Variants in GOLPH3 observed in about 807,000 individuals in gnomAD.
The protein encoded by GOLPH3 is coat protein GPP34.
A neutral mutation model predicts 28.5 loss-of-function variants in GOLPH3; 14 were observed. The ratio of observed to expected loss-of-function variants is 0.49; its 90% CI spans 0.32 to 0.77. The LOEUF is 0.77. GOLPH3 is among the 30% of genes least tolerant of loss of function. GOLPH3 has a pLI of 0.03. For synonymous variants in GOLPH3, 158 were observed against 159.2 expected (o/e 0.99, Z 0.06); for missense variants, 350 against 393.7 (o/e 0.89, Z 0.94).
chr5:32,129,062 A>G (rs975557122), intron 3 of GOLPH3, among the ~76,000 whole-genome samples: 9 of 152,086 alleles, frequency 5.9e-5, no homozygotes, highest in South Asian at 2.1e-4. Context: ...GGTGGCTGTA[A>G]TCCCAGCTAC....
chr5:32,141,066 G>A (rs1746050797), intron 2 of GOLPH3, among the ~76,000 whole-genome samples: 1 of 151,458 alleles, frequency 6.6e-6, no homozygotes, highest in Non-Finnish European at 1.5e-5. Context: ...GGGAGGCTGA[G>A]GCACGTAAAT....
In GOLPH3 at chr5:32,158,033, C is replaced by T. The variant is rs1408997381; in HGVS notation, c.226-14153G>A. Among the ~76,000 whole-genome samples the T allele has an allele frequency of 8.5e-5, 11 of 129,098 alleles. 1 individual carries two copies. The highest frequency in any genetic ancestry group is 2.4e-4 in the African/African-American group (8 of 32,736). The allele number at this position is 129,098 out of a possible 152,430, so 84.7% of individuals were successfully genotyped here. On this transcript the variant is annotated intron_variant, in intron 1 of 3. Coordinates refer to ENST00000265070, the MANE Select transcript of GOLPH3 (RefSeq NM_022130.4). ...AATAAATAAATAAAATACACACACACACACACACACACACACACACACACA... is the reference window on the plus strand; with the variant it reads ...AATAAATAAATAAAATACACACACATACACACACACACACACACACACACA...
intron 1 of GOLPH3, among the ~76,000 whole-genome samples, chr5:32,151,472 C>G (rs1475987415): frequency 6.6e-6 from 1 of 151,994 alleles, no homozygotes; most frequent in Non-Finnish European, 1.5e-5. Flanking sequence ...ATTGCACTTA[C>G]GCACTCTAAC....
chr5:32,172,947 G>A (rs541167525), intron 1 of GOLPH3, among the ~76,000 whole-genome samples: 1 of 152,340 alleles, frequency 6.6e-6, no homozygotes, highest in South Asian at 2.1e-4. Flanking sequence ...ATATGCATAT[G>A]TATCTATCAC....
intron 2 of GOLPH3, among the ~76,000 whole-genome samples, chr5:32,140,980 T>C (rs535131161): frequency 4.8e-4 from 73 of 151,900 alleles, no homozygotes; most frequent in African/African-American, 1.6e-3. Flanking sequence ...CCAGGCAACA[T>C]AGCAAAACCC....
chr5:32,155,456 AG>A (rs1295199042), intron 1 of GOLPH3, among the ~76,000 whole-genome samples: 3 of 152,170 alleles, frequency 2.0e-5, no homozygotes, highest in African/African-American at 7.2e-5. Flanking sequence ...CCAAAGTGCT[AG>A]GATTACAGGC....
At chr5:32,153,126 A>G (rs993720032) in intron 1 of GOLPH3, among the ~76,000 whole-genome samples, 2 of 152,222 alleles carry the variant, frequency 1.3e-5, no homozygotes, top group African/African-American at 4.8e-5. Context: ...TCTACCACAT[A>G]ATGGAATACT....
intron 1 of GOLPH3, among the ~76,000 whole-genome samples, chr5:32,155,516 C>G (rs1420182706): frequency 6.6e-6 from 1 of 152,052 alleles, no homozygotes; most frequent in Non-Finnish European, 1.5e-5. Context: ...TCAATTAAAT[C>G]TCAATAAAGC....
chr5:32,152,750 C>G (rs1392885095), intron 1 of GOLPH3, among the ~76,000 whole-genome samples: 2 of 151,274 alleles, frequency 1.3e-5, no homozygotes, highest in Non-Finnish European at 2.9e-5. Context: ...CCACTGCACT[C>G]CCACCTGGGC....
At chr5:32,147,447 A>G (rs1474514698) in intron 1 of GOLPH3, among the ~76,000 whole-genome samples, 1 of 152,078 alleles carries the variant, frequency 6.6e-6, no homozygotes, top group Non-Finnish European at 1.5e-5. Context: ...AAAAAAAAAA[A>G]GAAAAGAAAT....
intron 1 of GOLPH3, among the ~76,000 whole-genome samples, chr5:32,159,006 G>A (rs1468521909): frequency 2.0e-5 from 3 of 152,186 alleles, no homozygotes; most frequent in Non-Finnish European, 2.9e-5. Context: ...ACAAGATAAT[G>A]GAACTGAGGC....
In GOLPH3 at chr5:32,125,024, G is replaced by C. The variant is rs1745644961; in HGVS notation, c.*1188C>G. 3 of 152,590 alleles carry C rather than the reference G, an allele frequency of 2.0e-5. No homozygotes were observed. In the South Asian group the frequency reaches 6.2e-4, roughly 32 times the overall value. 9.5% of individuals were successfully genotyped at this position (152,590 alleles called of 1,614,324 possible). The stretch of plus-strand genomic sequence containing the variant: ...AAACTTTAAAAAGCAAAGGTTTATA[G>C]TCTGACAATGCTAATTATCCTAATT... On this transcript the variant is annotated 3_prime_UTR_variant, in exon 4 of 4. Coordinates refer to ENST00000265070, the MANE Select transcript of GOLPH3 (RefSeq NM_022130.4).
chr5:32,140,784 GGAGT>G (rs1746041722), intron 2 of GOLPH3, among the ~76,000 whole-genome samples: 1 of 150,530 alleles, frequency 6.6e-6, no homozygotes, highest in Admixed American at 6.6e-5. Flanking sequence ...CCCAGGCAAT[GGAGT>G]GAGACTCTGT....
chr5:32,163,877 C>G (rs1428747895), intron 1 of GOLPH3, among the ~76,000 whole-genome samples: 2 of 152,108 alleles, frequency 1.3e-5, no homozygotes, highest in African/African-American at 4.8e-5. Flanking sequence ...AGTGTTATTT[C>G]TGAGGTTATT....
intron 1 of GOLPH3, among the ~76,000 whole-genome samples, chr5:32,170,380 T>C (rs930991689): frequency 6.6e-6 from 1 of 152,260 alleles, no homozygotes; most frequent in African/African-American, 2.4e-5. Flanking sequence ...CATAAGGTTA[T>C]TAGCTCACAT....
chr5:32,168,360 G>T (rs1561687580), intron 1 of GOLPH3, among the ~76,000 whole-genome samples: 1 of 152,218 alleles, frequency 6.6e-6, no homozygotes, highest in Non-Finnish European at 1.5e-5. Context: ...TTTGGAGCCT[G>T]TGTAAAAGCC....
chr5:32,151,998 A>G (rs886345963), intron 1 of GOLPH3, among the ~76,000 whole-genome samples: 3 of 152,230 alleles, frequency 2.0e-5, no homozygotes. Flanking sequence ...GAGTTTCGGT[A>G]TGAAATGATG....
Position 32,162,085 on chromosome 5 carries a change from C to T in GOLPH3, c.225+11725G>A, listed in dbSNP as rs573229372. On this transcript the variant is annotated intron_variant, in intron 1 of 3. Transcript: ENST00000265070. ...AATAAAAATCAGAAGTCAAGTGGTA[C>T]TTCAAGTTTCCAAATTTCCCAAACC... Among the ~76,000 whole-genome samples the T allele has an allele frequency of 9.9e-5, 15 of 151,294 alleles. No individual in the cohort carries two copies. The South Asian group carries it at 3.1e-3, about 31-fold the overall frequency.
Position 32,156,581 on chromosome 5 carries a change from T to C in GOLPH3, c.226-12701A>G, listed in dbSNP as rs771342353. On this transcript the variant is annotated intron_variant, in intron 1 of 3. Coordinates refer to ENST00000265070, the MANE Select transcript of GOLPH3 (RefSeq NM_022130.4). ...CAACCTTTTTGGTGCCAGGGACTGG[T>C]TTCAGGAAAGACAATTTTTTCCACG... Among the ~76,000 whole-genome samples, 53 of 152,040 alleles carry C rather than the reference T, an allele frequency of 3.5e-4. 2 individuals are homozygous for C. The highest frequency in any genetic ancestry group is 4.4e-5 in the Non-Finnish European group (3 of 68,020).
Sources: gnomAD v4.1 joint callset for allele counts (sites outside exome capture counted in the v4.1 genomes callset) on GRCh38, gnomAD v4.1.1 for gene constraint, MANE v1.5 for transcripts, NCBI Gene and HGNC (gene_info 2026-07-23, HGNC 2026-07-21) for gene names.